Variants in PDZD2 observed in about 807,000 individuals in gnomAD.
PDZD2 encodes PDZ domain-containing protein 2.
Under a neutral mutation model 220.7 loss-of-function variants are expected in PDZD2, and 90 were observed. The observed-to-expected ratio is 0.41, with a 90% CI of 0.34 to 0.49. The LOEUF (loss-of-function observed/expected upper bound fraction) is 0.49. Ranked by LOEUF, PDZD2 falls within the 20% of genes least tolerant of loss-of-function variation. The pLI is 0.28. For synonymous variants in PDZD2, 1,375 were observed against 1,450.5 expected (o/e 0.95, Z 1.18); for missense variants, 3,174 against 3,608.5 (o/e 0.88, Z 3.08).
At chr5:31,911,540 T>C (rs1743205155) in intron 2 of PDZD2, among the ~76,000 whole-genome samples, 1 of 152,252 alleles carries the variant, frequency 6.6e-6, no homozygotes, top group Non-Finnish European at 1.5e-5. Context: ...TCCCGCTTCC[T>C]TTCGTTTCTC....
At chr5:32,084,605 C>T (rs1452841021) in intron 19 of PDZD2, among the ~76,000 whole-genome samples, 6 of 152,134 alleles carry the variant, frequency 3.9e-5, no homozygotes, top group Non-Finnish European at 7.4e-5. Context: ...AGCTGTGGAA[C>T]GAACATAATA....
intron 1 of PDZD2, among the ~76,000 whole-genome samples, chr5:31,792,661 G>A (rs771191957): frequency 3.9e-5 from 6 of 151,930 alleles, no homozygotes; most frequent in African/African-American, 7.2e-5. Flanking sequence ...CAGGTGATCC[G>A]CCCACCTCAG....
intron 2 of PDZD2, among the ~76,000 whole-genome samples, chr5:31,884,691 C>T (rs906975140): frequency 6.6e-5 from 10 of 152,106 alleles, no homozygotes; most frequent in South Asian, 2.1e-4. Context: ...CAGGTTTAGG[C>T]GATTCTCCTG....
intron 14 of PDZD2, among the ~76,000 whole-genome samples, chr5:32,064,983 T>G (rs1297687419): frequency 1.4e-4 from 20 of 140,694 alleles, no homozygotes. Context: ...AGTAAAGAAA[T>G]AAAATCAAAG....
At chr5:32,060,745 C>A (rs182237) in intron 13 of PDZD2, among the ~76,000 whole-genome samples, 24,475 of 152,124 alleles carry the variant, frequency 0.16, 2,434 homozygotes, top group East Asian at 0.35. Context: ...CATCATTGTC[C>A]TTATTATCAA....
chr5:31,940,638 A>AGGTGT (rs1262699917), intron 2 of PDZD2, among the ~76,000 whole-genome samples: 5 of 152,222 alleles, frequency 3.3e-5, no homozygotes, highest in African/African-American at 4.8e-5. Context: ...CAGGTAGCCT[A>AGGTGT]AAGCCACATA....
At chr5:31,954,015 C>T (rs140038400) in intron 2 of PDZD2, among the ~76,000 whole-genome samples, 2 of 152,036 alleles carry the variant, frequency 1.3e-5, no homozygotes, top group South Asian at 2.1e-4. Context: ...GCTCTGGAGG[C>T]GGAGACAGAA....
At chr5:31,750,545 C>T (rs1293509741) in intron 1 of PDZD2, among the ~76,000 whole-genome samples, 2 of 152,160 alleles carry the variant, frequency 1.3e-5, no homozygotes, top group African/African-American at 2.4e-5. Flanking sequence ...CGAGGGTCCG[C>T]CAAGGATGGG....
At chr5:32,037,825 T>C (rs1755676315) in intron 7 of PDZD2, among the ~76,000 whole-genome samples, 1 of 148,782 alleles carries the variant, frequency 6.7e-6, no homozygotes, top group Non-Finnish European at 1.5e-5. Flanking sequence ...TTAGAACTTT[T>C]GTGTATCATT....
At chr5:31,801,804 C>T (rs1309143143) in intron 2 of PDZD2, among the ~76,000 whole-genome samples, 1 of 152,072 alleles carries the variant, frequency 6.6e-6, no homozygotes, top group Non-Finnish European at 1.5e-5. Flanking sequence ...AAGTAGTAGT[C>T]TATATGTATT....
At chr5:31,970,105 G>A (rs1275306937) in intron 2 of PDZD2, among the ~76,000 whole-genome samples, 2 of 151,924 alleles carry the variant, frequency 1.3e-5, no homozygotes, top group South Asian at 4.1e-4. Context: ...TCCATGTTGA[G>A]GCTGGTCTCG....
chr5:31,968,288 G>A (rs1343745296), intron 2 of PDZD2, among the ~76,000 whole-genome samples: 3 of 152,184 alleles, frequency 2.0e-5, no homozygotes, highest in Non-Finnish European at 2.9e-5. Flanking sequence ...AACCCGAGAG[G>A]CAGAGGTTGC....
chr5:31,643,134 C>T (rs137876555), intron 1 of PDZD2, among the ~76,000 whole-genome samples: 148 of 152,228 alleles, frequency 9.7e-4, no homozygotes, highest in Non-Finnish European at 1.8e-3. Context: ...CCTCCATGAC[C>T]GCATCTGCTG....
rs1306143326 is a variant in PDZD2, at chr5:32,090,285, T to C, written c.6837T>C (p.Ser2279=). 5.6e-6 allele frequency: 9 copies of C among 1,614,064 alleles called. No homozygotes were observed. Among genetic ancestry groups the C allele is most frequent in the Admixed American group, 1.7e-5 (1 of 60,008 alleles). The change falls in exon 20 of 25, where the codon AGT becomes AGC. Residue 2279 remains serine (S), a synonymous_variant. Transcript: ENST00000438447. This position sits in a 1 kb window ranked among gnomAD's most constrained non-coding sequence, Gnocchi z 4.3. ...PSLANGQGIY[S]VKPLLDTSRN... is the part of the protein sequence containing the mutation. ...TGGCTAATGGACAGGGCATATATAG[T>C]GTAAAGCCGCTGCTGGACACATCGA...
intron 1 of PDZD2, among the ~76,000 whole-genome samples, chr5:31,746,143 C>T (rs1009678539): frequency 1.3e-5 from 2 of 152,024 alleles, no homozygotes; most frequent in South Asian, 2.1e-4. Flanking sequence ...ACTGCCAATC[C>T]CTAAAGAAAT....
In PDZD2 at chr5:32,088,189, C is replaced by T. The variant is rs1461120988; in HGVS notation, c.4741C>T (p.Arg1581Cys). 7 of 1,613,934 alleles carry T rather than the reference C, an allele frequency of 4.3e-6. No homozygotes were observed. Among genetic ancestry groups the T allele is most frequent in the South Asian group, 2.2e-5 (2 of 91,084 alleles). Reference protein sequence around the residue: ...ASARDGWSPPRSRVSLHKEDP... With the variant: ...ASARDGWSPPCSRVSLHKEDP... ...TGCCAGGGACGGCTGGTCCCCTCCTCGTTCCCGTGTGTCTTTGCACAAGGA... is the reference window on the plus strand; with the variant it reads ...TGCCAGGGACGGCTGGTCCCCTCCTTGTTCCCGTGTGTCTTTGCACAAGGA... The change falls in exon 20 of 25, where the codon CGT (arginine) becomes TGT (cysteine). Residue 1581 changes from arginine to cysteine, a missense_variant. Physicochemically the swap from Arg to Cys is radical, Grantham distance 180. This residue lies in a region of PDZD2 where 1,861 missense variants were observed against 2,001.0 expected (regional missense o/e 0.93). Transcript: ENST00000438447. This position sits in a 1 kb window ranked among gnomAD's most constrained non-coding sequence, Gnocchi z 4.6.
chr5:32,041,506 C>G, intron 7 of PDZD2, among the ~76,000 whole-genome samples: 1 of 152,164 alleles, frequency 6.6e-6, no homozygotes, highest in East Asian at 1.9e-4. Flanking sequence ...AAAAATTCTT[C>G]TGCCTTGGGA....
At chr5:31,909,872 ATAT>A (rs1743014068) in intron 2 of PDZD2, among the ~76,000 whole-genome samples, 1 of 152,206 alleles carries the variant, frequency 6.6e-6, no homozygotes, top group Admixed American at 6.5e-5. Flanking sequence ...AAAGACTGTA[ATAT>A]TTATATTCAT....
chr5:31,881,685 T>C lies in PDZD2; in HGVS notation c.476+81961T>C, dbSNP rs1561538009. Among the ~76,000 whole-genome samples the C allele has an allele frequency of 2.6e-5, 3 of 113,362 alleles. 1 individual carries two copies. The South Asian group carries it at 9.8e-4, about 37-fold the overall frequency. The allele number at this position is 113,362 out of a possible 152,430, so 74.4% of individuals were successfully genotyped here. On this transcript the variant is annotated intron_variant, in intron 2 of 24. Transcript: ENST00000438447. Reference sequence around the variant, plus strand: ...GAGCCACTGTGCCGGGGCATGCATATACATAATACAATACACACACATATA... The same window carrying C: ...GAGCCACTGTGCCGGGGCATGCATACACATAATACAATACACACACATATA...
Sources: gnomAD v4.1 joint callset for allele counts (sites outside exome capture counted in the v4.1 genomes callset) on GRCh38, gnomAD v4.1.1 for gene constraint, gnomAD v4.1.1 regional missense constraint, Gnocchi (gnomAD v3.1) non-coding constraint, MANE v1.5 for transcripts, NCBI Gene and HGNC (gene_info 2026-07-23, HGNC 2026-07-21) for gene names.